The following DESI2 variants were observed in gnomAD, a reference collection of about 807,000 sequenced individuals.
DESI2 encodes desumoylating isopeptidase 2.
In DESI2, 10 loss-of-function variants were observed where a neutral mutation model predicts 24.1. The observed-to-expected ratio is 0.41, with a 90% CI of 0.26 to 0.70. The LOEUF (loss-of-function observed/expected upper bound fraction) is 0.70. DESI2 is among the 30% of genes least tolerant of loss of function. The pLI is 0.29. For synonymous variants in DESI2, 71 were observed against 87.7 expected, an observed-to-expected ratio of 0.81 and a Z score of 1.06; for missense variants, 122 against 234.9, an observed-to-expected ratio of 0.52 and a Z score of 3.14.
chr1:244,672,874 GTAATAATAATAA>G, intron 1 of DESI2, among the ~76,000 whole-genome samples: 1 of 149,558 alleles, frequency 6.7e-6, no homozygotes, highest in South Asian at 2.1e-4. Context: ...GACTCTGTCT[GTAATAATAATAA>G]TAATAATAAT....
chr1:244,654,252 G>T (rs1409066769), intron 1 of DESI2, among the ~76,000 whole-genome samples: 1 of 152,184 alleles, frequency 6.6e-6, no homozygotes, highest in African/African-American at 2.4e-5. Context: ...ATGGGTTTTT[G>T]TTCTGTAGAC....
Position 244,706,050 on chromosome 1 carries a change from TGTTAA to T in DESI2, c.*266_*270del, listed in dbSNP as rs374838874. ...TATTTCTTCTGTTTTATACAAGCTC[TGTTAA>T]GTTATGTTTACAGTATCTTGTATCG... On this transcript the variant is annotated 3_prime_UTR_variant, in exon 5 of 5. Coordinates refer to ENST00000302550, the MANE Select transcript of DESI2 (RefSeq NM_016076.5). 2.6e-4 allele frequency: 115 copies of T among 437,086 alleles called. No individual in the cohort carries two copies. Among genetic ancestry groups the T allele is most frequent in the East Asian group, 1.3e-3 (29 of 22,596 alleles). The allele number at this position is 437,086 out of a possible 1,614,324, so 27.1% of individuals were successfully genotyped here.
At chr1:244,653,868 C>A (rs767425853) in intron 1 of DESI2, 3 of 464,486 alleles carry the variant, frequency 6.5e-6, no homozygotes, top group Non-Finnish European at 1.3e-5. Flanking sequence ...AGAATCTCTT[C>A]AAAGGTGAAC....
chr1:244,672,542 A>G (rs915816776), intron 1 of DESI2, among the ~76,000 whole-genome samples: 3 of 152,128 alleles, frequency 2.0e-5, no homozygotes, highest in African/African-American at 7.2e-5. Context: ...CTAACACACC[A>G]GGTTAGAGAA....
In DESI2 at chr1:244,664,115, A is replaced by G. The variant is rs1309027560; in HGVS notation, c.42+10760A>G. ...CCATGGCCATCAATACTCATTTAACATAGCTAAATCTTATAACTGTGGTTA... is the reference window on the plus strand; with the variant it reads ...CCATGGCCATCAATACTCATTTAACGTAGCTAAATCTTATAACTGTGGTTA... On this transcript the variant is annotated intron_variant, in intron 1 of 4. Transcript: ENST00000302550. Among the ~76,000 whole-genome samples, 6 of 152,148 alleles carry G rather than the reference A, an allele frequency of 3.9e-5. No individual in the cohort carries two copies. The East Asian group carries it at 5.8e-4, about 15-fold the overall frequency.
chr1:244,682,291 T>C (rs575695392), intron 1 of DESI2, among the ~76,000 whole-genome samples: 2 of 152,162 alleles, frequency 1.3e-5, no homozygotes, highest in East Asian at 3.9e-4. Context: ...TACAGAGCGC[T>C]GATGGGTGCA....
intron 1 of DESI2, chr1:244,653,592 C>T (rs1054015652): frequency 1.5e-5 from 8 of 525,958 alleles, no homozygotes; most frequent in Non-Finnish European, 2.6e-5. Flanking sequence ...TGGGCTTGAA[C>T]CTCTCCCATC....
chr1:244,694,316 CAA>C, intron 4 of DESI2: 8 of 452,654 alleles, frequency 1.8e-5, no homozygotes, highest in South Asian at 1.5e-4. Context: ...TGAAAAAAGC[CAA>C]AAGAGTATTA....
chr1:244,688,081 T>C (rs1676885420), intron 2 of DESI2, among the ~76,000 whole-genome samples: 1 of 152,196 alleles, frequency 6.6e-6, no homozygotes, highest in African/African-American at 2.4e-5. Flanking sequence ...ATCTCCCTAA[T>C]CATTGCTCCC....
At chr1:244,699,821 T>C (rs184271154) in intron 4 of DESI2, among the ~76,000 whole-genome samples, 1 of 152,258 alleles carries the variant, frequency 6.6e-6, no homozygotes, top group Admixed American at 6.5e-5. Flanking sequence ...AATACTGCCT[T>C]TCCGCTCTTC....
intron 1 of DESI2, among the ~76,000 whole-genome samples, chr1:244,664,020 GAA>G (rs34195856): frequency 0.064 from 5,694 of 89,308 alleles, 133 homozygotes; most frequent in Middle Eastern, 0.13. Context: ...TCCGTCTCAG[GAA>G]AAAAAAAAAA....
chr1:244,677,575 C>T (rs1676454770), intron 1 of DESI2, among the ~76,000 whole-genome samples: 1 of 152,056 alleles, frequency 6.6e-6, no homozygotes, highest in African/African-American at 2.4e-5. Context: ...TTAATTTTTG[C>T]CTTGCACAGA....
intron 1 of DESI2, among the ~76,000 whole-genome samples, chr1:244,683,267 G>A (rs184797558): frequency 6.6e-6 from 1 of 152,262 alleles, no homozygotes; most frequent in Non-Finnish European, 1.5e-5. Context: ...GTGTACACAT[G>A]GGCCTAGGAG....
chr1:244,705,840 T>C lies in DESI2; in HGVS notation c.*51T>C. Reference sequence around the variant, plus strand: ...ACTGTCTCTGGCAGTCGAATATCACTAGAGAAAAGTAAACAGAGAAGCATC... The same window carrying C: ...ACTGTCTCTGGCAGTCGAATATCACCAGAGAAAAGTAAACAGAGAAGCATC... On this transcript the variant is annotated 3_prime_UTR_variant, in exon 5 of 5. Transcript: ENST00000302550. 1 of 1,298,536 alleles carries C rather than the reference T, an allele frequency of 7.7e-7. No homozygotes were observed. Among genetic ancestry groups the C allele is most frequent in the Non-Finnish European group, 1.1e-6 (1 of 925,878 alleles). 80.4% of individuals were successfully genotyped at this position (1,298,536 alleles called of 1,614,324 possible). A position where few individuals can be genotyped will look rare whatever the true frequency, so the allele number is the denominator to read the frequency against.
chr1:244,663,757 G>C (rs891270143), intron 1 of DESI2, among the ~76,000 whole-genome samples: 32 of 151,838 alleles, frequency 2.1e-4, no homozygotes, highest in Non-Finnish European at 4.3e-4. Context: ...GGTGGCTCAC[G>C]CCTGTAATCC....
chr1:244,693,924 T>C (rs1224343761), intron 4 of DESI2, among the ~76,000 whole-genome samples: 1 of 152,172 alleles, frequency 6.6e-6, no homozygotes, highest in African/African-American at 2.4e-5. Context: ...AAAGCTACCT[T>C]TGGAATTTGA....
chr1:244,698,292 C>T (rs913880638), intron 4 of DESI2, among the ~76,000 whole-genome samples: 6 of 152,070 alleles, frequency 3.9e-5, no homozygotes, highest in Admixed American at 1.3e-4. Context: ...GTCTCACAGC[C>T]GATGATATTT....
rs1025730579 is a variant in DESI2 at position 244,707,631 on chromosome 1, C to G, written c.*1842C>G. ...AGTACAAAGCCTTGGATACAGTTTG[C>G]TTGTAATATTTTTAATAATGTGAGG... is the stretch of plus-strand genomic sequence containing the variant. On this transcript the variant is annotated 3_prime_UTR_variant, in exon 5 of 5. Coordinates refer to ENST00000302550, the MANE Select transcript of DESI2 (RefSeq NM_016076.5). 3.9e-5 allele frequency: 6 copies of G among 152,186 alleles called. No homozygotes were observed. The highest frequency in any genetic ancestry group is 1.2e-4 in the African/African-American group (5 of 41,418). The allele number at this position is 152,186 out of a possible 1,614,324, so 9.4% of individuals were successfully genotyped here. A position where few individuals can be genotyped will look rare whatever the true frequency, so the allele number is the denominator to read the frequency against.
chr1:244,682,296 G>A (rs982412367), intron 1 of DESI2, among the ~76,000 whole-genome samples: 2 of 152,030 alleles, frequency 1.3e-5, no homozygotes, highest in African/African-American at 4.8e-5. Flanking sequence ...AGCGCTGATG[G>A]GTGCATTTTT....
Sources: gnomAD v4.1 joint callset for allele counts (sites outside exome capture counted in the v4.1 genomes callset) on GRCh38, gnomAD v4.1.1 for gene constraint, MANE v1.5 for transcripts, NCBI Gene and HGNC (gene_info 2026-07-23, HGNC 2026-07-21) for gene names.